COG4: variants seen among roughly 807,000 people sequenced by gnomAD.
COG4 encodes conserved oligomeric Golgi complex subunit 4.
COG4 carries 65 observed loss-of-function variants against 95.1 expected under a neutral mutation model. The ratio of observed to expected loss-of-function variants is 0.68; its 90% CI spans 0.56 to 0.84. The LOEUF (loss-of-function observed/expected upper bound fraction) is 0.84. Among genes scored for constraint, COG4 ranks in the 40% least tolerant of loss-of-function variants. The pLI, the probability that COG4 is intolerant of heterozygous loss-of-function variation, is 0.00. For missense variants in COG4, 1,045 were observed against 989.1 expected (o/e 1.06, Z -0.76); for synonymous variants, 421 against 374.8 (o/e 1.12, Z -1.42).
intron 13 of COG4, among the ~76,000 whole-genome samples, chr16:70,487,205 C>T (rs1321326270): frequency 2.7e-5 from 4 of 149,338 alleles, no homozygotes; most frequent in South Asian, 4.3e-4. Context: ...GCAGGAGAAT[C>T]GCAGAGGTTG....
chr16:70,495,321 T>C (rs577696927), intron 12 of COG4, among the ~76,000 whole-genome samples: 1 of 149,532 alleles, frequency 6.7e-6, no homozygotes, highest in Admixed American at 6.7e-5. Flanking sequence ...CGCTTGAACC[T>C]GTGAGGCGGA....
At position 70,483,934 on chromosome 16, in the gene COG4, T is replaced by C. The variant is rs1421160713; in HGVS notation, c.1746A>G (p.Gly582=). ...DCTKLFSQGI[G]GEQAQAKFDS... ...CAAACTTGGCCTGGGCCTGCTCCCCTCCAATGCCCTGGCTGAAGAGCTTGG... is the reference window on the plus strand; with the variant it reads ...CAAACTTGGCCTGGGCCTGCTCCCCCCCAATGCCCTGGCTGAAGAGCTTGG... Residue 582 remains glycine, a synonymous_variant, in exon 14 of 19, where the codon GGA becomes GGG. Coordinates refer to ENST00000323786, the MANE Select transcript of COG4 (RefSeq NM_015386.3). 3 of 1,613,130 alleles carry C rather than the reference T, an allele frequency of 1.9e-6. No homozygotes were observed. Among genetic ancestry groups the C allele is most frequent in the Middle Eastern group, 1.7e-4 (1 of 6,060 alleles).
chr16:70,486,866 C>CTG (rs2049146916), intron 13 of COG4, among the ~76,000 whole-genome samples: 1 of 151,970 alleles, frequency 6.6e-6, no homozygotes, highest in Non-Finnish European at 1.5e-5. Flanking sequence ...TGTGGTGGCG[C>CTG]ACACCTGTAG....
rs778356645 is a variant in COG4 at position 70,523,371 on chromosome 16, AC to A, written c.171+1del. On this transcript the variant is annotated splice_donor_variant, in intron 1 of 18. Coordinates refer to ENST00000323786, the MANE Select transcript of COG4 (RefSeq NM_015386.3). LOFTEE classifies it high-confidence loss of function. The stretch of plus-strand genomic sequence containing the variant: ...TGAAAAAGAAGAGGCTCGACCCCGC[AC>A]CTCCTCGCCGCAGAGCCGTTCGTAT... 4.3e-6 allele frequency: 7 copies of A among 1,613,674 alleles called. No homozygotes were observed. The highest frequency in any genetic ancestry group is 5.1e-6 in the Non-Finnish European group (6 of 1,179,892).
chr16:70,514,224 AG>A lies in COG4; in HGVS notation c.544+110del. On this transcript the variant is annotated intron_variant, in intron 4 of 18. Coordinates refer to ENST00000323786, the MANE Select transcript of COG4 (RefSeq NM_015386.3). ...TCCGTCTCAAAAAAAAAGAAGAAAA[AG>A]AAAAAAGAAAACTTCCTAAAAACTG... is the stretch of plus-strand genomic sequence containing the variant. 8 of 1,080,112 alleles carry A rather than the reference AG, an allele frequency of 7.4e-6. No individual in the cohort carries two copies. In the South Asian group the frequency reaches 9.7e-5, roughly 13 times the overall value. The allele number at this position is 1,080,112 out of a possible 1,614,324, so 66.9% of individuals were successfully genotyped here. A position where few individuals can be genotyped will look rare whatever the true frequency, so the allele number is the denominator to read the frequency against.
At chr16:70,517,252 C>A (rs924133654) in intron 3 of COG4, among the ~76,000 whole-genome samples, 1 of 151,990 alleles carries the variant, frequency 6.6e-6, no homozygotes, top group Non-Finnish European at 1.5e-5. Flanking sequence ...AGCTATTGGC[C>A]AGGCAAGGTG....
intron 13 of COG4, among the ~76,000 whole-genome samples, chr16:70,489,856 C>T (rs749381019): frequency 1.7e-4 from 26 of 152,126 alleles, no homozygotes; most frequent in South Asian, 4.2e-4. Context: ...TCTGCTCTGT[C>T]GCCCAGGCTG....
In COG4 at chr16:70,480,897, G is replaced by C; in HGVS notation, c.*113C>G. 1.6e-6 allele frequency: 2 copies of C among 1,275,958 alleles called. No homozygotes were observed. The highest frequency in any genetic ancestry group is 2.2e-6 in the Non-Finnish European group (2 of 889,218). 79.0% of individuals were successfully genotyped at this position (1,275,958 alleles called of 1,614,324 possible). A position where few individuals can be genotyped will look rare whatever the true frequency, so the allele number is the denominator to read the frequency against. ...TTTCTCTGCTGCCAGCCGTAGAAAG[G>C]TCTGGGCTGTCAGATCTCCCCCAAG... On this transcript the variant is annotated 3_prime_UTR_variant, in exon 19 of 19. Coordinates refer to ENST00000323786, the MANE Select transcript of COG4 (RefSeq NM_015386.3).
intron 8 of COG4, among the ~76,000 whole-genome samples, chr16:70,506,334 C>T (rs1217107616): frequency 6.6e-6 from 1 of 150,896 alleles, no homozygotes; most frequent in African/African-American, 2.4e-5. Context: ...ATCCAGGAGG[C>T]GGAGCTTGCA....
chr16:70,523,215 GACAGGACT>G, intron 1 of COG4, 150 bp downstream of exon 1: 1 of 827,386 alleles, frequency 1.2e-6, no homozygotes, highest in Non-Finnish European at 2.0e-6. Flanking sequence ...GAAAAGAGTT[GACAGGACT>G]ACTCATATAC....
intron 7 of COG4, chr16:70,508,913 T>C (rs8055338): frequency 0.015 from 8,287 of 535,662 alleles, 577 homozygotes; most frequent in African/African-American, 0.14. Flanking sequence ...CCTCAAGAAA[T>C]AGAATTGTCA....
At chr16:70,510,051 C>G (rs1264795131) in intron 5 of COG4, 30 bp from the exon 6 acceptor site, 24 of 1,570,844 alleles carry the variant, frequency 1.5e-5, no homozygotes, top group Non-Finnish European at 2.0e-5. Flanking sequence ...ACACACATTC[C>G]TCAGAAAGGT....
intron 12 of COG4, among the ~76,000 whole-genome samples, chr16:70,492,234 C>T (rs914836926): frequency 6.6e-6 from 1 of 152,124 alleles, no homozygotes; most frequent in East Asian, 1.9e-4. Context: ...TCATCTGTAT[C>T]CTATATAATA....
At chr16:70,505,872 C>A (rs2049554989) in intron 8 of COG4, among the ~76,000 whole-genome samples, 1 of 151,988 alleles carries the variant, frequency 6.6e-6, no homozygotes, top group Admixed American at 6.6e-5. Flanking sequence ...TGGCTGGATA[C>A]AGGGGCTCAT....
intron 7 of COG4, 84 bp downstream of exon 7, chr16:70,509,147 C>G: frequency 6.4e-7 from 1 of 1,568,466 alleles, no homozygotes; most frequent in Non-Finnish European, 8.8e-7. Flanking sequence ...TTTTTTTTCA[C>G]TTTTTCAAAC....
chr16:70,482,926 T>C (rs2049031688), intron 14 of COG4, 105 bp from the exon 15 acceptor site: 4 of 819,768 alleles, frequency 4.9e-6, no homozygotes, highest in South Asian at 2.9e-5. Context: ...ATCCCTTTCC[T>C]CTCCTCTCCC....
At chr16:70,512,930 A>G (rs1050695578) in intron 4 of COG4, among the ~76,000 whole-genome samples, 1 of 152,196 alleles carries the variant, frequency 6.6e-6, no homozygotes, top group Non-Finnish European at 1.5e-5. Flanking sequence ...GTGAGCCAAG[A>G]TCATGCCACT....
intron 15 of COG4, chr16:70,482,400 C>T (rs2049017550): frequency 1.6e-6 from 1 of 620,364 alleles, no homozygotes; most frequent in Admixed American, 2.7e-5. Context: ...AAGTTCCTGG[C>T]ATTTTATTCC....
rs765111484 is a variant in COG4, at chr16:70,509,379, C to G, written c.854G>C (p.Arg285Pro). The change falls in exon 7 of 19, where the codon CGC (arginine) becomes CCC (proline). Residue 285 changes from arginine to proline, a missense_variant. Arg to Pro is a moderately radical substitution (Grantham distance 103). Transcript: ENST00000323786. ...TLTLLFEGIA[R>P]IVETHQPIVE... ...TATTGGCTGGTGGGTCTCCACAATGCGGGCAATCCCTAGAAGGGAGGAAGC... is the reference window on the plus strand; with the variant it reads ...TATTGGCTGGTGGGTCTCCACAATGGGGGCAATCCCTAGAAGGGAGGAAGC... The G allele has an allele frequency of 1.2e-6, 2 of 1,614,032 alleles. No individual in the cohort carries two copies. The highest frequency in any genetic ancestry group is 2.7e-5 in the African/African-American group (2 of 74,924).
Sources: gnomAD v4.1 joint callset for allele counts (sites outside exome capture counted in the v4.1 genomes callset) on GRCh38, gnomAD v4.1.1 for gene constraint, MANE v1.5 for transcripts, NCBI Gene and HGNC (gene_info 2026-07-23, HGNC 2026-07-21) for gene names.